Variants in CCDC178 observed in about 807,000 individuals in gnomAD.
The protein encoded by CCDC178 is coiled-coil domain containing 178.
In CCDC178, 126 loss-of-function variants were observed where a neutral mutation model predicts 117.4. That is an observed-to-expected ratio of 1.07 (90% CI 0.93 to 1.24). The LOEUF (loss-of-function observed/expected upper bound fraction) is 1.24, where lower values mean the gene tolerates loss of function less well. Ranked by LOEUF, CCDC178 falls within the 50% of genes most tolerant of loss-of-function variation. CCDC178 has a pLI of 0.00. For synonymous variants in CCDC178, 283 were observed against 313.4 expected (o/e 0.90, Z 1.02); for missense variants, 1,030 against 986.9 (o/e 1.04, Z -0.59).
At chr18:33,431,051 G>A (rs2064210328) in intron 2 of CCDC178, among the ~76,000 whole-genome samples, 1 of 149,174 alleles carries the variant, frequency 6.7e-6, no homozygotes, top group African/African-American at 2.5e-5. Context: ...CTCCAGCCTG[G>A]GCAACCGTGC....
intron 15 of CCDC178, among the ~76,000 whole-genome samples, chr18:33,237,838 G>A (rs1168027705): frequency 1.3e-5 from 2 of 151,784 alleles, no homozygotes; most frequent in African/African-American, 4.8e-5. Flanking sequence ...GAAGGCAGTT[G>A]AGCAACTGCA....
intron 21 of CCDC178, among the ~76,000 whole-genome samples, chr18:33,032,442 G>A (rs1159531775): frequency 1.3e-5 from 2 of 152,078 alleles, no homozygotes; most frequent in Non-Finnish European, 2.9e-5. Context: ...GAATTACACA[G>A]GATGGGTTCT....
At chr18:33,169,431 T>C (rs2058571277) in intron 20 of CCDC178, among the ~76,000 whole-genome samples, 1 of 152,136 alleles carries the variant, frequency 6.6e-6, no homozygotes, top group Admixed American at 6.5e-5. Context: ...TAGAAAAAAA[T>C]TCTGCTTCTA....
chr18:33,350,152 C>A (rs2062955037), intron 7 of CCDC178, among the ~76,000 whole-genome samples: 3 of 151,840 alleles, frequency 2.0e-5, no homozygotes, highest in Non-Finnish European at 4.4e-5. Context: ...AGTACTTTCC[C>A]TGCTGGCTTA....
At chr18:33,267,080 C>T (rs1200062003) in intron 13 of CCDC178, 28 bp from the exon 14 acceptor site, 1 of 1,561,648 alleles carries the variant, frequency 6.4e-7, no homozygotes, top group Non-Finnish European at 8.6e-7. Context: ...AAGAATCATT[C>T]ATACATGTCT....
intron 15 of CCDC178, among the ~76,000 whole-genome samples, chr18:33,236,765 G>A (rs1452615830): frequency 2.6e-5 from 4 of 152,130 alleles, no homozygotes. Context: ...GGCAACTCTG[G>A]TAATTGGAAG....
chr18:32,961,064 T>C (rs2054694464), intron 22 of CCDC178, among the ~76,000 whole-genome samples: 1 of 152,122 alleles, frequency 6.6e-6, no homozygotes, highest in African/African-American at 2.4e-5. Context: ...AACAATCATA[T>C]GTAGCTATTT....
chr18:33,052,232 A>C (rs1320956477), intron 21 of CCDC178, among the ~76,000 whole-genome samples: 2 of 152,236 alleles, frequency 1.3e-5, no homozygotes, highest in Non-Finnish European at 2.9e-5. Context: ...TAAGTATAAA[A>C]TTAGTAAACA....
intron 21 of CCDC178, among the ~76,000 whole-genome samples, chr18:33,072,300 T>C (rs986901454): frequency 1.1e-4 from 16 of 152,142 alleles, no homozygotes; most frequent in Non-Finnish European, 2.4e-4. Flanking sequence ...ATATAGAGGA[T>C]ATTACCCTCT....
intron 11 of CCDC178, among the ~76,000 whole-genome samples, chr18:33,302,692 T>C (rs1223716674): frequency 6.6e-6 from 1 of 152,158 alleles, no homozygotes; most frequent in Non-Finnish European, 1.5e-5. Context: ...AAGAATGAAA[T>C]CTTGTCATTC....
intron 21 of CCDC178, among the ~76,000 whole-genome samples, chr18:32,985,444 A>T (rs2055242966): frequency 6.6e-6 from 1 of 151,948 alleles, no homozygotes; most frequent in African/African-American, 2.4e-5. Flanking sequence ...CTTGTTAGTG[A>T]TCTAGAATTG....
At chr18:32,952,520 A>G (rs1202888175) in intron 22 of CCDC178, among the ~76,000 whole-genome samples, 2 of 151,964 alleles carry the variant, frequency 1.3e-5, no homozygotes, top group Non-Finnish European at 2.9e-5. Context: ...TGTTCTTTCT[A>G]TGTGGCCACA....
intron 20 of CCDC178, among the ~76,000 whole-genome samples, chr18:33,118,933 G>T (rs1326781652): frequency 6.6e-6 from 1 of 152,108 alleles, no homozygotes; most frequent in African/African-American, 2.4e-5. Flanking sequence ...AACAAGAAAT[G>T]GGGAAAGGAT....
At chr18:33,321,908 C>G (rs981151869) in intron 11 of CCDC178, among the ~76,000 whole-genome samples, 5 of 151,370 alleles carry the variant, frequency 3.3e-5, no homozygotes, top group African/African-American at 1.2e-4. Context: ...ACAGATATAT[C>G]TAAAATATAA....
intron 20 of CCDC178, among the ~76,000 whole-genome samples, chr18:33,121,416 AT>A (rs2057935451): frequency 1.3e-5 from 2 of 152,142 alleles, no homozygotes; most frequent in Admixed American, 1.3e-4. Flanking sequence ...ATACTGTAAG[AT>A]TTGTAATAAA....
intron 8 of CCDC178, among the ~76,000 whole-genome samples, chr18:33,347,582 T>C (rs11873163): frequency 0.069 from 10,566 of 152,212 alleles, 1,181 homozygotes; most frequent in African/African-American, 0.24. Context: ...TTAAAATTAA[T>C]TGTCTTTTTT....
At chr18:33,412,738 A>G (rs2063875575) in intron 2 of CCDC178, among the ~76,000 whole-genome samples, 1 of 152,198 alleles carries the variant, frequency 6.6e-6, no homozygotes, top group South Asian at 2.1e-4. Context: ...TGTAATTAAC[A>G]CAATTAATGA....
At chr18:33,326,270 G>T (rs1016034746) in intron 10 of CCDC178, among the ~76,000 whole-genome samples, 1 of 152,182 alleles carries the variant, frequency 6.6e-6, no homozygotes. Context: ...CTGAAGTACA[G>T]GGGGTGTCCC....
At chr18:33,437,181 C>CAA (rs2064304004) in intron 2 of CCDC178, among the ~76,000 whole-genome samples, 1 of 152,110 alleles carries the variant, frequency 6.6e-6, no homozygotes, top group Non-Finnish European at 1.5e-5. Context: ...AATTTTTAGA[C>CAA]TCAACAGTTA....
Sources: gnomAD v4.1 joint callset for allele counts (sites outside exome capture counted in the v4.1 genomes callset) on GRCh38, gnomAD v4.1.1 for gene constraint, MANE v1.5 for transcripts, NCBI Gene and HGNC (gene_info 2026-07-23, HGNC 2026-07-21) for gene names.